Variants in POLE observed in about 807,000 individuals in gnomAD.
The protein encoded by POLE is DNA polymerase epsilon catalytic subunit A.
Under a neutral mutation model 279.2 loss-of-function variants are expected in POLE, and 188 were observed. The observed-to-expected ratio is 0.67, with a 90% CI of 0.60 to 0.76. The LOEUF (loss-of-function observed/expected upper bound fraction) is 0.76, where lower values mean the gene tolerates loss of function less well. POLE is among the 30% of genes least tolerant of loss of function. The probability of loss-of-function intolerance (pLI) is 0.00; values close to 1 mark genes in which losing one functional copy is unlikely to be tolerated. For synonymous variants in POLE, 1,214 were observed against 1,172.5 expected (o/e 1.04, Z -0.72); for missense variants, 2,703 against 3,016.7 (o/e 0.90, Z 2.44).
rs1245235956 is a variant in POLE, at chr12:132,624,371, C to T, written c.*326G>A. 2.3e-6 allele frequency: 1 copy of T among 426,366 alleles called. No individual in the cohort carries two copies. Among genetic ancestry groups the T allele is most frequent in the Non-Finnish European group, 4.3e-6 (1 of 231,702 alleles). The allele number at this position is 426,366 out of a possible 1,614,324, so 26.4% of individuals were successfully genotyped here. A position where few individuals can be genotyped will look rare whatever the true frequency, so the allele number is the denominator to read the frequency against. Reference sequence around the variant, plus strand: ...GGGCACCTAGAGGACGCTCCCACCCCACCAGGTGTGGTGCAGGAAGCAACA... The same window carrying T: ...GGGCACCTAGAGGACGCTCCCACCCTACCAGGTGTGGTGCAGGAAGCAACA... On this transcript the variant is annotated 3_prime_UTR_variant, in exon 49 of 49. Transcript: ENST00000320574.
intron 1 of POLE, among the ~76,000 whole-genome samples, chr12:132,683,848 T>C (rs1352639841): frequency 1.3e-5 from 2 of 152,244 alleles, no homozygotes; most frequent in African/African-American, 4.8e-5. Flanking sequence ...TCACTTTTAA[T>C]CCAGGGACAG....
In POLE at chr12:132,632,744, G is replaced by T. The variant is rs777110041; in HGVS notation, c.6056C>A (p.Ala2019Asp). The part of the protein sequence containing the change: ...HCMKDGLRRS[A>D]PGSTPVRRRG... ...CCTCCTCACGGGGGTGCTCCCTGGA[G>T]CACTGCGCCTCAGCCCGTCCTTCAT... The change falls in exon 44 of 49, where the codon GCT (alanine) becomes GAT (aspartate). Residue 2019 changes from alanine (A) to aspartate (D), a missense_variant. Ala to Asp is a moderately radical substitution (Grantham distance 126). This residue lies in a region of POLE where 1,551 missense variants were observed against 1,686.1 expected (regional missense o/e 0.92). Coordinates refer to ENST00000320574, the MANE Select transcript of POLE (RefSeq NM_006231.4). 7 of 1,613,284 alleles carry T rather than the reference G, an allele frequency of 4.3e-6. No homozygotes were observed. In the South Asian group the frequency reaches 7.7e-5, roughly 18 times the overall value.
chr12:132,653,366 C>T (rs1041379989), intron 29 of POLE, among the ~76,000 whole-genome samples: 15 of 152,120 alleles, frequency 9.9e-5, no homozygotes, highest in African/African-American at 3.4e-4. Flanking sequence ...CAAAGGAAGA[C>T]CATGTCTCAA....
chr12:132,652,747 A>T (rs4883612), intron 29 of POLE, among the ~76,000 whole-genome samples: 151,191 of 152,310 alleles, frequency 0.99, 75,043 homozygotes, highest in East Asian at 1. Context: ...ACTTCCGACT[A>T]ACAGGGGAGT....
Position 132,624,289 on chromosome 12 carries a change from G to A in POLE, c.*408C>T, listed in dbSNP as rs935473652. 3.6e-6 allele frequency: 1 copy of A among 277,364 alleles called. No individual in the cohort carries two copies. The highest frequency in any genetic ancestry group is 6.9e-6 in the Non-Finnish European group (1 of 144,768). The allele number at this position is 277,364 out of a possible 1,614,324, so 17.2% of individuals were successfully genotyped here. A position where few individuals can be genotyped will look rare whatever the true frequency, so the allele number is the denominator to read the frequency against. ...GTCTCGTCTCAGAGCCCAATCTCAG[G>A]GAGCCAGAAGCCCCCAGGGGCTTTT... is the stretch of plus-strand genomic sequence containing the variant. On this transcript the variant is annotated 3_prime_UTR_variant, in exon 49 of 49. Coordinates refer to ENST00000320574, the MANE Select transcript of POLE (RefSeq NM_006231.4).
At chr12:132,643,163 T>A in intron 35 of POLE, 61 bp downstream of exon 35, 2 of 1,553,946 alleles carry the variant, frequency 1.3e-6, no homozygotes. Flanking sequence ...CCCTGGGAGA[T>A]GTCCTCCTTC....
chr12:132,650,005 G>T, intron 29 of POLE, 116 bp from the exon 30 acceptor site: 1 of 814,526 alleles, frequency 1.2e-6, no homozygotes, highest in Non-Finnish European at 1.9e-6. Context: ...GGGGCCAGGA[G>T]TTTGAGACCA....
rs774541167 is a variant in POLE, at chr12:132,642,654, C to T, written c.4804G>A (p.Val1602Ile). ...ELKRLASEIP[V>I]LEEFPLVPIC... is the part of the protein sequence containing the mutation. Reference sequence around the variant, plus strand: ...GGCACCAGTGGGAATTCCTCCAAGACAGGAATTTCACTGGCCAGCCTCTTC... The same window carrying T: ...GGCACCAGTGGGAATTCCTCCAAGATAGGAATTTCACTGGCCAGCCTCTTC... Residue 1602 changes from valine (V) to isoleucine (I), a missense_variant, in exon 37 of 49, where the codon GTC (valine) becomes ATC (isoleucine). Transcript: ENST00000320574. 1.2e-6 allele frequency: 2 copies of T among 1,613,354 alleles called. No homozygotes were observed. The highest frequency in any genetic ancestry group is 1.7e-6 in the Non-Finnish European group (2 of 1,180,024).
rs1250005011 is a variant in POLE, at chr12:132,673,605, G to A, written c.1329C>T (p.Asp443=). The A allele has an allele frequency of 6.2e-7, 1 of 1,613,356 alleles. No homozygotes were observed. The highest frequency in any genetic ancestry group is 2.2e-5 in the East Asian group (1 of 44,896). The change falls in exon 13 of 49, where the codon GAC becomes GAT. Residue 443 remains aspartate, a synonymous_variant. Coordinates refer to ENST00000320574, the MANE Select transcript of POLE (RefSeq NM_006231.4). ...GYDPVELDPE[D]MCRMATEQPQ... ...GCTGCTCCGTGGCCATCCGGCACAT[G>A]TCCTCCGGGTCTAGCTCCACGGGAT...
At position 132,687,323 on chromosome 12, in the gene POLE, T is replaced by C. The variant is rs1057521786; in HGVS notation, c.-8A>G. The C allele has an allele frequency of 9.3e-6, 14 of 1,499,198 alleles. No homozygotes were observed. Among genetic ancestry groups the C allele is most frequent in the South Asian group, 1.2e-5 (1 of 80,134 alleles). The allele number at this position is 1,499,198 out of a possible 1,614,324, so 92.9% of individuals were successfully genotyped here. A position where few individuals can be genotyped will look rare whatever the true frequency, so the allele number is the denominator to read the frequency against. Reference sequence around the variant, plus strand: ...GCCGCTCCTCAGAGACATGGAGCCGTTGGCTACCACCTCTGCTTCAGGGGA... The same window carrying C: ...GCCGCTCCTCAGAGACATGGAGCCGCTGGCTACCACCTCTGCTTCAGGGGA... On this transcript the variant is annotated 5_prime_UTR_variant, in exon 1 of 49. Coordinates refer to ENST00000320574, the MANE Select transcript of POLE (RefSeq NM_006231.4).
At chr12:132,663,861 T>C (rs113490291) in intron 23 of POLE, 143 bp downstream of exon 23, 5 of 767,628 alleles carry the variant, frequency 6.5e-6, no homozygotes, top group Non-Finnish European at 1.0e-5. Flanking sequence ...CCTCTGACCA[T>C]GGTCTTCAGG....
chr12:132,677,260 G>T, intron 8 of POLE, 103 bp downstream of exon 8: 1 of 835,798 alleles, frequency 1.2e-6, no homozygotes, highest in Non-Finnish European at 2.1e-6. Flanking sequence ...TGGGGGAAAA[G>T]CAGCAAACAT....
intron 3 of POLE, 60 bp from the exon 4 acceptor site, chr12:132,680,282 G>A: frequency 6.8e-7 from 1 of 1,468,706 alleles, no homozygotes; most frequent in Non-Finnish European, 9.5e-7. Flanking sequence ...AGAGAAAAGT[G>A]AAAACACATT....
chr12:132,668,543 A>G lies in POLE; in HGVS notation c.2027-41T>C, dbSNP rs2135976886. The G allele has an allele frequency of 1.9e-6, 3 of 1,581,096 alleles. No homozygotes were observed. Among genetic ancestry groups the G allele is most frequent in the Non-Finnish European group, 2.6e-6 (3 of 1,158,900 alleles). On this transcript the variant is annotated intron_variant, in intron 18 of 48. Coordinates refer to ENST00000320574, the MANE Select transcript of POLE (RefSeq NM_006231.4). The surrounding 1 kb of genome is among the most constrained non-coding windows in gnomAD (Gnocchi z 4.0). The stretch of plus-strand genomic sequence containing the variant: ...TGGGGGCAAGTTCAAAAGGAGGCAC[A>G]GACACACCGGCTTCCCACCAAGTGG...
chr12:132,669,626 C>A lies in POLE; in HGVS notation c.1795-687G>T, dbSNP rs76169261. On this transcript the variant is annotated intron_variant, in intron 16 of 48. Coordinates refer to ENST00000320574, the MANE Select transcript of POLE (RefSeq NM_006231.4). ...ACACCTATTGTTTCTACTTGAATTA[C>A]AGATAAACGAATCAGCCGGGGAAGA... Among the ~76,000 whole-genome samples the A allele has an allele frequency of 9.0e-3, 1,365 of 152,308 alleles. 14 individuals are homozygous for A. The highest frequency in any genetic ancestry group is 0.031 in the African/African-American group (1,306 of 41,568).
At chr12:132,656,365 CTT>C (rs56112203) in intron 29 of POLE, among the ~76,000 whole-genome samples, 5 of 145,746 alleles carry the variant, frequency 3.4e-5, no homozygotes, top group African/African-American at 2.5e-5. Flanking sequence ...GAACCTTTTT[CTT>C]TTTTTTTTTT....
intron 40 of POLE, chr12:132,638,368 T>C: frequency 3.0e-6 from 1 of 335,838 alleles, no homozygotes; most frequent in Non-Finnish European, 5.4e-6. Context: ...CAAATTCTTA[T>C]CACAGAAAAA....
rs1378180047 is a variant in POLE, at chr12:132,675,036, G to T, written c.1226+362C>A. ...CCTAGCTCATATGGAATCTGTGGTTGTCCCGTGAGGCTTGTCCTGTGAGGC... is the reference window on the plus strand; with the variant it reads ...CCTAGCTCATATGGAATCTGTGGTTTTCCCGTGAGGCTTGTCCTGTGAGGC... On this transcript the variant is annotated intron_variant, in intron 12 of 48. Transcript: ENST00000320574. This position sits in a 1 kb window ranked among gnomAD's most constrained non-coding sequence, Gnocchi z 4.3. 1.3e-5 allele frequency among the ~76,000 whole-genome samples: 2 copies of T among 152,184 alleles called. No individual in the cohort carries two copies. The highest frequency in any genetic ancestry group is 4.8e-5 in the African/African-American group (2 of 41,434).
rs753262710 is a variant in POLE at position 132,676,619 on chromosome 12, G to A, written c.836C>T (p.Thr279Ile). The change falls in exon 9 of 49, where the codon ACC becomes ATC. Residue 279 changes from threonine to isoleucine, a missense_variant. This residue lies in a region of POLE where 1,011 missense variants were observed against 1,111.7 expected (regional missense o/e 0.91). Coordinates refer to ENST00000320574, the MANE Select transcript of POLE (RefSeq NM_006231.4). ...ATCAGGAAACTTGAGGGGCAGTTTG[G>A]TCGTCTCAATGTCAAATGCCAAAAC... Reference protein sequence around the residue: ...PVVLAFDIETTKLPLKFPDAE... With the variant: ...PVVLAFDIETIKLPLKFPDAE... 2 of 1,613,852 alleles carry A rather than the reference G, an allele frequency of 1.2e-6. No homozygotes were observed. The highest frequency in any genetic ancestry group is 2.2e-5 in the East Asian group (1 of 44,874).
Sources: allele counts gnomAD v4.1 joint callset (sites outside exome capture counted in the v4.1 genomes callset), GRCh38; gene constraint gnomAD v4.1.1; regional missense constraint gnomAD v4.1.1; non-coding constraint Gnocchi (gnomAD v3.1); transcripts MANE v1.5; gene names NCBI Gene and HGNC (gene_info 2026-07-23, HGNC 2026-07-21).